TTC39B: variants seen among roughly 807,000 people sequenced by gnomAD.
The protein encoded by TTC39B is tetratricopeptide repeat domain 39B.
Under a neutral mutation model 96.6 loss-of-function variants are expected in TTC39B, and 92 were observed. The observed-to-expected ratio is 0.95, with a 90% CI of 0.80 to 1.13. TTC39B has a LOEUF of 1.13. TTC39B is among the 50% of genes most tolerant of loss of function. The pLI is 0.00. For synonymous variants in TTC39B, 367 were observed against 299.4 expected, an observed-to-expected ratio of 1.23 and a Z score of -2.33; for missense variants, 955 against 809.3, an observed-to-expected ratio of 1.18 and a Z score of -2.18.
chr9:15,171,531 T>C (rs1050680430), exon 20 of TTC39B: 3 of 152,716 alleles, frequency 2.0e-5, no homozygotes, highest in African/African-American at 7.2e-5. Flanking sequence ...GACTGTCTTT[T>C]TCAGAAGTCT....
At chr9:15,216,845 G>C (rs957924599) in intron 3 of TTC39B, among the ~76,000 whole-genome samples, 1 of 152,234 alleles carries the variant, frequency 6.6e-6, no homozygotes, top group Non-Finnish European at 1.5e-5. Context: ...CATTCTACTG[G>C]AGAAGGGAAG....
intron 4 of TTC39B, among the ~76,000 whole-genome samples, chr9:15,211,957 C>T (rs545701171): frequency 6.6e-5 from 10 of 152,270 alleles, no homozygotes; most frequent in African/African-American, 1.9e-4. Context: ...GATTAAAGTT[C>T]TTGATATTTC....
chr9:15,198,718 G>C (rs1449396064), intron 8 of TTC39B, among the ~76,000 whole-genome samples: 2 of 151,774 alleles, frequency 1.3e-5, no homozygotes, highest in African/African-American at 2.4e-5. Flanking sequence ...ATGAGGCAAA[G>C]AGAAAAAGCA....
chr9:15,221,613 G>T, intron 3 of TTC39B, among the ~76,000 whole-genome samples: 1 of 152,096 alleles, frequency 6.6e-6, no homozygotes. Context: ...GGTGCCAGGG[G>T]TCTCTGCGTC....
chr9:15,220,948 A>G (rs1820808863), intron 3 of TTC39B, among the ~76,000 whole-genome samples: 2 of 152,184 alleles, frequency 1.3e-5, no homozygotes, highest in Non-Finnish European at 2.9e-5. Context: ...TAGTACTTGG[A>G]CAAGAGACAT....
At chr9:15,175,123 C>T in exon 19 of TTC39B, 1 of 1,611,708 alleles carries the variant, frequency 6.2e-7, no homozygotes, top group Non-Finnish European at 8.5e-7. Flanking sequence ...GGTCATACTT[C>T]AGTAGCTTTT....
At position 15,192,634 on chromosome 9, in the gene TTC39B, CAT is replaced by C. The variant is rs755524941; in HGVS notation, c.884_885del (p.Tyr295Ter). On this transcript the variant is annotated frameshift_variant, in exon 9 of 20. Coordinates refer to ENST00000512701, the Ensembl canonical transcript of TTC39B. LOFTEE classifies it high-confidence loss of function. ...CCAAGCTTGACACCCCCTTCAAACT[CAT>C]AGAAGAATTCCTGCTGAAGTTTGTT... 6.3e-5 allele frequency: 101 copies of C among 1,614,006 alleles called. No individual in the cohort carries two copies. Among genetic ancestry groups the C allele is most frequent in the Admixed American group, 1.0e-4 (6 of 59,994 alleles).
chr9:15,176,430 A>T (rs1564309591), intron 18 of TTC39B, among the ~76,000 whole-genome samples: 1 of 152,200 alleles, frequency 6.6e-6, no homozygotes. Context: ...TGGGAAGTAG[A>T]TATTTTCTCT....
At chr9:15,183,843 G>T (rs559248175) in intron 16 of TTC39B, among the ~76,000 whole-genome samples, 7 of 152,150 alleles carry the variant, frequency 4.6e-5, no homozygotes, top group Non-Finnish European at 1.0e-4. Flanking sequence ...GCTCAGACAC[G>T]ATTACAGAGT....
At chr9:15,216,273 G>A (rs1211530081) in intron 3 of TTC39B, among the ~76,000 whole-genome samples, 2 of 152,146 alleles carry the variant, frequency 1.3e-5, no homozygotes, top group East Asian at 1.9e-4. Context: ...CAGTGCCTTC[G>A]ACAATACCTA....
rs145562855 is a variant in TTC39B, at chr9:15,292,833, T to C, written c.240+14251A>G. Among the ~76,000 whole-genome samples the C allele has an allele frequency of 2.8e-3, 425 of 152,362 alleles. 4 individuals carry two copies. Among genetic ancestry groups the C allele is most frequent in the East Asian group, 7.5e-3 (39 of 5,192 alleles). The stretch of plus-strand genomic sequence containing the variant: ...TGTTTGTGTTTTAAGCTAAGTGTTA[T>C]TGTAAAAGTGCCAAAAAGTTTTAAA... On this transcript the variant is annotated intron_variant, in intron 1 of 19. Coordinates refer to ENST00000512701, the Ensembl canonical transcript of TTC39B.
At chr9:15,264,379 C>T (rs982070579) in intron 2 of TTC39B, among the ~76,000 whole-genome samples, 12 of 152,126 alleles carry the variant, frequency 7.9e-5, no homozygotes, top group Non-Finnish European at 1.3e-4. Context: ...AGGCCAGGCG[C>T]AGTGGCTCAT....
intron 11 of TTC39B, among the ~76,000 whole-genome samples, chr9:15,190,039 T>C (rs1481492875): frequency 6.6e-6 from 1 of 152,196 alleles, no homozygotes; most frequent in Non-Finnish European, 1.5e-5. Flanking sequence ...TAATTGGAAT[T>C]TCTGGTTTTA....
At chr9:15,198,166 A>C (rs1819285006) in intron 8 of TTC39B, among the ~76,000 whole-genome samples, 1 of 152,182 alleles carries the variant, frequency 6.6e-6, no homozygotes, top group South Asian at 2.1e-4. Flanking sequence ...CATCATAAAA[A>C]TAGCACAAAG....
At chr9:15,232,259 T>C (rs1821465612) in intron 2 of TTC39B, 2 of 152,498 alleles carry the variant, frequency 1.3e-5, no homozygotes, top group Non-Finnish European at 2.9e-5. Context: ...CAGACCAATA[T>C]AAAACCTGCA....
At chr9:15,211,222 A>T in intron 5 of TTC39B, 44 bp downstream of exon 5, 1 of 1,406,844 alleles carries the variant, frequency 7.1e-7, no homozygotes, top group Non-Finnish European at 9.3e-7. Flanking sequence ...ACACAGGCAT[A>T]AAAGTTTGCA....
chr9:15,251,700 C>CATATATATAT (rs57422881), intron 2 of TTC39B, among the ~76,000 whole-genome samples: 2,075 of 98,022 alleles, frequency 0.021, 59 homozygotes, highest in East Asian at 0.039. Flanking sequence ...CATACATATA[C>CATATATATAT]ATATATATAT....
At chr9:15,241,871 T>C (rs1317694267) in intron 2 of TTC39B, among the ~76,000 whole-genome samples, 1 of 151,402 alleles carries the variant, frequency 6.6e-6, no homozygotes, top group Non-Finnish European at 1.5e-5. Flanking sequence ...GCCTCCTGAA[T>C]AGCTGGGACT....
At chr9:15,171,760 C>A (rs1032057652) in exon 20 of TTC39B, 3 of 231,288 alleles carry the variant, frequency 1.3e-5, no homozygotes. Context: ...AAGACTTCTT[C>A]GCCCCCTAAT....
Sources: gnomAD v4.1 joint callset for allele counts (sites outside exome capture counted in the v4.1 genomes callset) on GRCh38, gnomAD v4.1.1 for gene constraint, MANE v1.5 for transcripts, NCBI Gene and HGNC (gene_info 2026-07-23, HGNC 2026-07-21) for gene names.